ST7: variants seen among roughly 807,000 people sequenced by gnomAD.
The protein encoded by ST7 is suppressor of tumorigenicity 7 protein.
Under a neutral mutation model 78.7 loss-of-function variants are expected in ST7, and 28 were observed. The observed-to-expected ratio is 0.36, with a 90% CI of 0.26 to 0.49. The LOEUF (loss-of-function observed/expected upper bound fraction) is 0.49. ST7 is among the 20% of genes least tolerant of loss of function. The pLI is 0.99. For synonymous variants in ST7, 247 were observed against 249.6 expected (o/e 0.99, Z 0.10); for missense variants, 418 against 696.0 (o/e 0.60, Z 4.49).
chr7:117,174,454 G>T (rs1808217602), intron 10 of ST7, among the ~76,000 whole-genome samples: 1 of 152,162 alleles, frequency 6.6e-6, no homozygotes, highest in South Asian at 2.1e-4. Flanking sequence ...CTCACAGGAA[G>T]AGCCTATAAT....
At chr7:116,961,980 C>G (rs1199520708) in intron 1 of ST7, among the ~76,000 whole-genome samples, 3 of 151,866 alleles carry the variant, frequency 2.0e-5, no homozygotes, top group East Asian at 1.9e-4. Context: ...GTTCCTCTCC[C>G]TGTGTCCATG....
chr7:117,222,955 C>T, intron 15 of ST7: 1 of 1,613,670 alleles, frequency 6.2e-7, no homozygotes, highest in South Asian at 1.1e-5. Flanking sequence ...CCTCCGGCAC[C>T]TCAATCTCAA....
chr7:116,978,024 G>A (rs1180469515), intron 1 of ST7, among the ~76,000 whole-genome samples: 1 of 152,108 alleles, frequency 6.6e-6, no homozygotes, highest in Non-Finnish European at 1.5e-5. Flanking sequence ...TCTCTCCTCA[G>A]TTCTCTCTCC....
chr7:117,223,186 C>T (rs1281459284), intron 15 of ST7: 2 of 576,226 alleles, frequency 3.5e-6, no homozygotes, highest in African/African-American at 3.8e-5. Flanking sequence ...ATGTGATTCA[C>T]CTCTTCTTTC....
At chr7:116,967,457 C>T (rs1270852469) in intron 1 of ST7, 8 of 469,442 alleles carry the variant, frequency 1.7e-5, no homozygotes, top group Non-Finnish European at 3.1e-5. Flanking sequence ...TTGTGCAGGT[C>T]AGTGTCCCAG....
intron 9 of ST7, among the ~76,000 whole-genome samples, chr7:117,164,905 A>G (rs1035902425): frequency 1.5e-4 from 23 of 151,988 alleles, no homozygotes; most frequent in Admixed American, 1.0e-3. Flanking sequence ...TGTTTGGATG[A>G]TCTCCACGGA....
chr7:117,217,220 A>G (rs1428099213), intron 13 of ST7, among the ~76,000 whole-genome samples: 2 of 151,498 alleles, frequency 1.3e-5, no homozygotes, highest in Non-Finnish European at 2.9e-5. Flanking sequence ...TTTATATCAT[A>G]TGAACTTGAA....
chr7:117,215,670 G>A (rs1030458620), intron 13 of ST7, among the ~76,000 whole-genome samples: 2 of 152,186 alleles, frequency 1.3e-5, no homozygotes, highest in Non-Finnish European at 2.9e-5. Flanking sequence ...CACTTTGGCC[G>A]CTTCTCCATT....
At chr7:117,063,219 C>T (rs1372179968) in intron 1 of ST7, among the ~76,000 whole-genome samples, 1 of 152,130 alleles carries the variant, frequency 6.6e-6, no homozygotes, top group Non-Finnish European at 1.5e-5. Flanking sequence ...AATTAGAAAT[C>T]TGGGTGATAA....
rs1486175225 is a variant in ST7, at chr7:117,194,819, C to T, written c.1254+3883C>T. ...GTCTTGAGATTTACACTGGGGTGGG[C>T]ATGGGGGAGACATTTCTATCAGTGA... On this transcript the variant is annotated intron_variant, in intron 12 of 15. Coordinates refer to ENST00000323984, the MANE Select transcript of ST7 (RefSeq NM_001369598.1). 2.0e-5 allele frequency among the ~76,000 whole-genome samples: 3 copies of T among 152,262 alleles called. No homozygotes were observed. In the East Asian group the frequency reaches 5.8e-4, roughly 29 times the overall value.
chr7:117,210,015 A>G, intron 13 of ST7, 78 bp downstream of exon 13: 2 of 1,498,930 alleles, frequency 1.3e-6, no homozygotes, highest in Non-Finnish European at 1.8e-6. Flanking sequence ...TTTATGATGA[A>G]TAATGAAGAT....
At chr7:117,010,819 G>A (rs1795354382) in intron 1 of ST7, among the ~76,000 whole-genome samples, 1 of 152,208 alleles carries the variant, frequency 6.6e-6, no homozygotes, top group Non-Finnish European at 1.5e-5. Flanking sequence ...TGATTTAAGA[G>A]GGAAGAGTGA....
At chr7:117,036,964 T>G (rs1260740156) in intron 1 of ST7, among the ~76,000 whole-genome samples, 1 of 152,128 alleles carries the variant, frequency 6.6e-6, no homozygotes, top group African/African-American at 2.4e-5. Flanking sequence ...CAGGTGTGCT[T>G]CCTAATAAGC....
intron 13 of ST7, among the ~76,000 whole-genome samples, chr7:117,213,783 A>T (rs1792474722): frequency 6.6e-6 from 1 of 152,244 alleles, no homozygotes; most frequent in African/African-American, 2.4e-5. Flanking sequence ...AAAGGGCAAG[A>T]GTTTTAATTT....
At chr7:116,995,024 A>G (rs1794590883) in intron 1 of ST7, among the ~76,000 whole-genome samples, 1 of 152,016 alleles carries the variant, frequency 6.6e-6, no homozygotes, top group Non-Finnish European at 1.5e-5. Context: ...GAAGCCTGGT[A>G]GGAGATTGGG....
intron 1 of ST7, among the ~76,000 whole-genome samples, chr7:117,093,461 G>A (rs1800782850): frequency 6.6e-6 from 1 of 152,176 alleles, no homozygotes; most frequent in African/African-American, 2.4e-5. Flanking sequence ...CAGCACTTTG[G>A]GAGGCTGAGT....
chr7:117,016,514 C>T (rs1038164324), intron 1 of ST7, among the ~76,000 whole-genome samples: 26 of 151,590 alleles, frequency 1.7e-4, no homozygotes, highest in African/African-American at 5.6e-4. Context: ...TTAAGTAATA[C>T]TTTATATATG....
intron 9 of ST7, among the ~76,000 whole-genome samples, chr7:117,146,981 A>T (rs143798887): frequency 3.3e-5 from 5 of 152,302 alleles, no homozygotes; most frequent in Admixed American, 3.3e-4. Flanking sequence ...GAGGAACTTC[A>T]GGAAGATAAA....
At chr7:117,033,837 C>T (rs1039567029) in intron 1 of ST7, among the ~76,000 whole-genome samples, 2 of 152,196 alleles carry the variant, frequency 1.3e-5, no homozygotes, top group African/African-American at 2.4e-5. Context: ...ACTAGCTGCA[C>T]GACCTTGAGT....
Sources: allele counts gnomAD v4.1 joint callset (sites outside exome capture counted in the v4.1 genomes callset), GRCh38; gene constraint gnomAD v4.1.1; transcripts MANE v1.5; gene names NCBI Gene and HGNC (gene_info 2026-07-23, HGNC 2026-07-21).